Variants in GALNT9 observed in about 807,000 individuals in gnomAD.
GALNT9 encodes the protein GalNAc transferase 9.
GALNT9 carries 47 observed loss-of-function variants against 63.1 expected under a neutral mutation model. That is an observed-to-expected ratio of 0.75 (90% CI 0.59 to 0.95). The LOEUF (loss-of-function observed/expected upper bound fraction) is 0.95, where lower values mean the gene tolerates loss of function less well. Among genes scored for constraint, GALNT9 ranks in the 40% least tolerant of loss-of-function variants. The pLI is 0.00. For synonymous variants in GALNT9, 396 were observed against 365.7 expected (o/e 1.08, Z -0.94); for missense variants, 829 against 874.8 (o/e 0.95, Z 0.66).
chr12:132,207,931 G>A (rs372281039), intron 6 of GALNT9, among the ~76,000 whole-genome samples: 35 of 152,034 alleles, frequency 2.3e-4, no homozygotes, highest in East Asian at 2.1e-3. Flanking sequence ...ACGACTCCTC[G>A]CGCAAGCAGC....
chr12:132,257,331 T>C (rs1212211920), intron 5 of GALNT9, among the ~76,000 whole-genome samples: 4 of 151,928 alleles, frequency 2.6e-5, no homozygotes, highest in African/African-American at 9.7e-5. Flanking sequence ...GTGTGCCAAG[T>C]TTTTATGGCA....
In GALNT9 at chr12:132,310,157, T is replaced by C. The variant is rs1217948655; in HGVS notation, c.238+18809A>G. On this transcript the variant is annotated intron_variant, in intron 1 of 10. Transcript: ENST00000328957. This position sits in a 1 kb window ranked among gnomAD's most constrained non-coding sequence, Gnocchi z 4.8. Reference sequence around the variant, plus strand: ...GCTCGGGGCTGGAGCAGCCAATGTGTGACCATGAGACCGAATGCCTCCAGC... The same window carrying C: ...GCTCGGGGCTGGAGCAGCCAATGTGCGACCATGAGACCGAATGCCTCCAGC... Among the ~76,000 whole-genome samples the C allele has an allele frequency of 1.3e-5, 2 of 152,244 alleles. No homozygotes were observed. The highest frequency in any genetic ancestry group is 3.9e-4 in the East Asian group (2 of 5,194).
intron 1 of GALNT9, among the ~76,000 whole-genome samples, chr12:132,318,705 G>A (rs1169549693): frequency 6.6e-6 from 1 of 152,232 alleles, no homozygotes; most frequent in Non-Finnish European, 1.5e-5. Flanking sequence ...GATGCACAGT[G>A]CACGCCGTGG....
chr12:132,291,982 C>A (rs1489142755), intron 1 of GALNT9, among the ~76,000 whole-genome samples: 3 of 152,226 alleles, frequency 2.0e-5, no homozygotes, highest in African/African-American at 7.2e-5. Flanking sequence ...TCCTCACTCA[C>A]AGTATGCCAG....
chr12:132,288,220 T>C (rs1555242378), intron 1 of GALNT9, among the ~76,000 whole-genome samples: 1 of 152,178 alleles, frequency 6.6e-6, no homozygotes, highest in African/African-American at 2.4e-5. Flanking sequence ...CACAGGGCAG[T>C]GAGTGGCTTT....
chr12:132,239,412 TGA>T (rs1878139038), intron 6 of GALNT9, among the ~76,000 whole-genome samples: 1 of 84,682 alleles, frequency 1.2e-5, no homozygotes, highest in Admixed American at 1.2e-4. Flanking sequence ...AGACACACAC[TGA>T]GAGACTGAGA....
chr12:132,268,065 G>A (rs557085843), intron 2 of GALNT9, among the ~76,000 whole-genome samples: 109 of 144,814 alleles, frequency 7.5e-4, no homozygotes, highest in African/African-American at 2.6e-3. Flanking sequence ...GTGGTCACAC[G>A]CACTCACGCA....
At chr12:132,291,594 A>G (rs191299181) in intron 1 of GALNT9, among the ~76,000 whole-genome samples, 1,761 of 135,874 alleles carry the variant, frequency 0.013, 25 homozygotes, top group African/African-American at 0.044. Flanking sequence ...CACCGCCCAC[A>G]TCCACACCAC....
At chr12:132,225,967 C>T (rs1242054730) in intron 6 of GALNT9, among the ~76,000 whole-genome samples, 4 of 148,284 alleles carry the variant, frequency 2.7e-5, no homozygotes, top group African/African-American at 1.0e-4. Flanking sequence ...GCACACCCCA[C>T]ACACTGTACA....
chr12:132,226,298 C>A (rs982973277), intron 6 of GALNT9, among the ~76,000 whole-genome samples: 1 of 148,864 alleles, frequency 6.7e-6, no homozygotes, highest in African/African-American at 2.5e-5. Context: ...CTCATACACA[C>A]CATATACACG....
At position 132,203,364 on chromosome 12, in the gene GALNT9, G is replaced by A; in HGVS notation, c.1263+141C>T. On this transcript the variant is annotated intron_variant, in intron 7 of 10. Transcript: ENST00000328957. ...CCCACTCACACCTGCACACACAACT[G>A]CTTGCACCTGTGCACACCTGTCAAC... The A allele has an allele frequency of 5.8e-6, 4 of 685,894 alleles. 1 individual carries two copies. Among genetic ancestry groups the A allele is most frequent in the South Asian group, 5.7e-5 (3 of 53,014 alleles). 42.5% of individuals were successfully genotyped at this position (685,894 alleles called of 1,614,324 possible).
chr12:132,321,111 CA>C (rs1267163591), intron 1 of GALNT9, among the ~76,000 whole-genome samples: 2 of 152,326 alleles, frequency 1.3e-5, no homozygotes, highest in Non-Finnish European at 2.9e-5. Context: ...ACAACCCACC[CA>C]GGGGGCGGCC....
At chr12:132,269,216 C>T (rs575749621) in intron 2 of GALNT9, among the ~76,000 whole-genome samples, 1 of 151,816 alleles carries the variant, frequency 6.6e-6, no homozygotes, top group Admixed American at 6.5e-5. Flanking sequence ...GAGGCAGCGT[C>T]ACCTGCCCGA....
intron 9 of GALNT9, among the ~76,000 whole-genome samples, chr12:132,198,459 T>TGG (rs1565979729): frequency 1.4e-4 from 22 of 151,824 alleles, no homozygotes; most frequent in African/African-American, 4.8e-4. Context: ...CCTGGGCCTG[T>TGG]GCTGCAGGTG....
intron 9 of GALNT9, among the ~76,000 whole-genome samples, chr12:132,198,449 C>CTGGGGCTGGGGCTGGGGCTGGGGCTGGGG (rs1565979696): frequency 1.0e-5 from 1 of 96,564 alleles, no homozygotes; most frequent in African/African-American, 3.7e-5. Context: ...TGGGGCTGGG[C>CTGGGGCTGGGGCTGGGGCTGGGGCTGGGG]CTGGGCCTGT....
intron 1 of GALNT9, among the ~76,000 whole-genome samples, chr12:132,311,346 C>T (rs546475025): frequency 2.0e-5 from 3 of 152,256 alleles, no homozygotes; most frequent in South Asian, 2.1e-4. Context: ...TGTGCAGCCT[C>T]GGCGTGGTCC....
rs1555245609 is a variant in GALNT9, at chr12:132,315,112, G to C, written c.238+13854C>G. Among the ~76,000 whole-genome samples, 1 of 152,164 alleles carries C rather than the reference G, an allele frequency of 6.6e-6. No homozygotes were observed. Among genetic ancestry groups the C allele is most frequent in the African/African-American group, 2.4e-5 (1 of 41,444 alleles). ...TGACGGAGGTGGCCCAGGGGGAGGTGGTGGGGCCGGGCTCTGAGTCCAGGC... is the reference window on the plus strand; with the variant it reads ...TGACGGAGGTGGCCCAGGGGGAGGTCGTGGGGCCGGGCTCTGAGTCCAGGC... On this transcript the variant is annotated intron_variant, in intron 1 of 10. Transcript: ENST00000328957. This position sits in a 1 kb window ranked among gnomAD's most constrained non-coding sequence, Gnocchi z 6.1.
At chr12:132,306,283 C>G (rs1434034325) in intron 1 of GALNT9, among the ~76,000 whole-genome samples, 3 of 152,246 alleles carry the variant, frequency 2.0e-5, no homozygotes, top group Non-Finnish European at 4.4e-5. Flanking sequence ...GTGGCCTGGA[C>G]GCCGGACGGT....
chr12:132,237,851 T>TG (rs1405257588), intron 6 of GALNT9, among the ~76,000 whole-genome samples: 2 of 152,106 alleles, frequency 1.3e-5, no homozygotes, highest in African/African-American at 4.8e-5. Context: ...CGGTGGAGGT[T>TG]GGGGGGTGGA....
Sources: allele counts gnomAD v4.1 joint callset (sites outside exome capture counted in the v4.1 genomes callset), GRCh38; gene constraint gnomAD v4.1.1; non-coding constraint Gnocchi (gnomAD v3.1); transcripts MANE v1.5; gene names NCBI Gene and HGNC (gene_info 2026-07-23, HGNC 2026-07-21).